The following XRN1 variants were observed in gnomAD, a reference collection of about 807,000 sequenced individuals.
XRN1 encodes strand-exchange protein 1 homolog.
Under a neutral mutation model 222.3 loss-of-function variants are expected in XRN1, and 67 were observed. The observed-to-expected ratio is 0.30, with a 90% CI of 0.25 to 0.37. XRN1 has a LOEUF of 0.37. XRN1 is among the 10% of genes least tolerant of loss of function. XRN1 has a pLI of 1.00. For missense variants in XRN1, 1,707 were observed against 2,000.2 expected, an observed-to-expected ratio of 0.85 and a Z score of 2.80; for synonymous variants, 643 against 652.4, an observed-to-expected ratio of 0.99 and a Z score of 0.22.
At chr3:142,412,442 A>G (rs2068621053) in intron 15 of XRN1, 102 bp downstream of exon 15, 1 of 1,360,014 alleles carries the variant, frequency 7.4e-7, no homozygotes, top group East Asian at 2.6e-5. Flanking sequence ...AATCTCATTA[A>G]CAAAACATAA....
rs144622329 is a variant in XRN1 at position 142,337,002 on chromosome 3, C to T, written c.3878-1493G>A. On this transcript the variant is annotated intron_variant, in intron 33 of 40. Transcript: ENST00000392981. ...ACCAAACTGAACCAAAGTTAAAAAC[C>T]ACAAAATTTTTTTTGAAAATAGCTT... 3.1e-3 allele frequency among the ~76,000 whole-genome samples: 477 copies of T among 151,514 alleles called. 2 individuals carry two copies. The highest frequency in any genetic ancestry group is 9.4e-3 in the African/African-American group (390 of 41,310).
At chr3:142,330,012 T>C (rs2065648279) in intron 36 of XRN1, among the ~76,000 whole-genome samples, 1 of 152,158 alleles carries the variant, frequency 6.6e-6, no homozygotes, top group African/African-American at 2.4e-5. Flanking sequence ...TAAAGGTTTT[T>C]GGATGAGTAT....
rs1407696040 is a variant in XRN1 at position 142,311,495 on chromosome 3, A to G, written c.*16T>C. 1 of 1,561,052 alleles carries G rather than the reference A, an allele frequency of 6.4e-7. No homozygotes were observed. The highest frequency in any genetic ancestry group is 8.7e-7 in the Non-Finnish European group (1 of 1,153,988). ...GATGGAAAGAGAAGAAATTAACTTA[A>G]TTCTAAGAGCCAAATTTACTCAGAA... On this transcript the variant is annotated 3_prime_UTR_variant, in exon 41 of 41. Transcript: ENST00000392981.
Position 142,384,698 on chromosome 3 carries a change from A to G in XRN1, c.2340-13T>C. On this transcript the variant is annotated splice_polypyrimidine_tract_variant and intron_variant, in intron 20 of 40. Transcript: ENST00000392981. ...TCTTCTCAGGTAGCTAAAATAAAGA[A>G]TAAACATGAAATATACATATGAATG... 1 of 1,566,410 alleles carries G rather than the reference A, an allele frequency of 6.4e-7. No homozygotes were observed. The highest frequency in any genetic ancestry group is 8.7e-7 in the Non-Finnish European group (1 of 1,153,876).
chr3:142,431,912 A>ATTATAT (rs1491093935), intron 2 of XRN1, among the ~76,000 whole-genome samples: 15 of 41,358 alleles, frequency 3.6e-4, no homozygotes, highest in African/African-American at 1.2e-3. Context: ...TTATATATAT[A>ATTATAT]AATATATATA....
intron 10 of XRN1, chr3:142,420,060 T>C (rs1162843889): frequency 6.6e-6 from 1 of 152,226 alleles, no homozygotes. Flanking sequence ...ACTTAGACTA[T>C]TGTATTTTAT....
intron 20 of XRN1, 119 bp from the exon 21 acceptor site, chr3:142,384,804 A>G: frequency 1.3e-6 from 1 of 762,734 alleles, no homozygotes. Context: ...TAAACTTTAA[A>G]TAAATACGCT....
chr3:142,432,655 T>C lies in XRN1; in HGVS notation c.308+6A>G. The C allele has an allele frequency of 6.4e-7, 1 of 1,561,344 alleles. No homozygotes were observed. On this transcript the variant is annotated splice_donor_region_variant and intron_variant, in intron 2 of 40. Coordinates refer to ENST00000392981, the MANE Select transcript of XRN1 (RefSeq NM_001282857.2). ...AATATTCCAAAATAAAACATAAATG[T>C]TTTACCTAAAACGCCTCCCACGCTG...
At chr3:142,332,562 G>T (rs1345360266) in intron 35 of XRN1, 28 bp from the exon 36 acceptor site, 2 of 1,582,736 alleles carry the variant, frequency 1.3e-6, no homozygotes, top group African/African-American at 2.7e-5. Context: ...ACATGGAGAT[G>T]GTGAGGGTGA....
chr3:142,329,003 C>G lies in XRN1; in HGVS notation c.4404+431G>C, dbSNP rs1028174190. On this transcript the variant is annotated intron_variant, in intron 37 of 40. Coordinates refer to ENST00000392981, the MANE Select transcript of XRN1 (RefSeq NM_001282857.2). ...TAAACTCCCAGCCTCAAGCTGTCCT[C>G]CCGCCTTGGCCTCCCAAAGTGCTGA... Among the ~76,000 whole-genome samples the G allele has an allele frequency of 4.0e-5, 6 of 151,728 alleles. No homozygotes were observed. The East Asian group carries it at 1.2e-3, about 29-fold the overall frequency.
At chr3:142,371,067 C>T (rs941627055) in intron 26 of XRN1, among the ~76,000 whole-genome samples, 172 bp downstream of exon 26, 18 of 150,456 alleles carry the variant, frequency 1.2e-4, no homozygotes, top group Non-Finnish European at 2.4e-4. Context: ...GTCCAGGGAA[C>T]CAAGGCTAAA....
At chr3:142,371,742 G>A (rs2066997392) in intron 25 of XRN1, among the ~76,000 whole-genome samples, 1 of 152,150 alleles carries the variant, frequency 6.6e-6, no homozygotes. Context: ...TCTGAAGAGT[G>A]CAGGACTTTT....
chr3:142,395,588 T>G (rs1483642813), intron 20 of XRN1, among the ~76,000 whole-genome samples: 1 of 152,150 alleles, frequency 6.6e-6, no homozygotes, highest in Non-Finnish European at 1.5e-5. Flanking sequence ...AGTTGTCAAT[T>G]TCTACTGTGT....
In XRN1 at chr3:142,448,029, TC is replaced by T; in HGVS notation, c.-86del. ...CTCCGCCGCAGCCTCCGGTCGTCGC[TC>T]CGCGGATGACAACACACCGCCCGGC... On this transcript the variant is annotated 5_prime_UTR_variant, in exon 1 of 41. Coordinates refer to ENST00000392981, the MANE Select transcript of XRN1 (RefSeq NM_001282857.2). The T allele has an allele frequency of 6.9e-7, 1 of 1,442,802 alleles. No individual in the cohort carries two copies. The highest frequency in any genetic ancestry group is 1.2e-5 in the South Asian group (1 of 85,966). 89.4% of individuals were successfully genotyped at this position (1,442,802 alleles called of 1,614,324 possible).
chr3:142,338,449 G>C (rs1295775654), intron 33 of XRN1, among the ~76,000 whole-genome samples: 1 of 152,010 alleles, frequency 6.6e-6, no homozygotes, highest in Non-Finnish European at 1.5e-5. Context: ...GAAACAACCA[G>C]CAGCGATACC....
intron 15 of XRN1, 77 bp downstream of exon 15, chr3:142,412,467 C>A: frequency 1.4e-6 from 2 of 1,412,408 alleles, no homozygotes; most frequent in Non-Finnish European, 1.9e-6. Flanking sequence ...TGATTAAAAC[C>A]CATTGCTCAT....
At chr3:142,357,548 T>C (rs2066496184) in intron 30 of XRN1, among the ~76,000 whole-genome samples, 1 of 152,146 alleles carries the variant, frequency 6.6e-6, no homozygotes, top group Admixed American at 6.5e-5. Context: ...CATCTCAGCC[T>C]CCTGAGTAAC....
intron 13 of XRN1, among the ~76,000 whole-genome samples, chr3:142,415,501 AAACAATGTTT>A (rs2068749708): frequency 6.6e-6 from 1 of 152,226 alleles, no homozygotes. Flanking sequence ...AAAAGGGAGA[AAACAATGTTT>A]ACTTTAAATA....
At chr3:142,335,537 T>C (rs1463808005) in intron 33 of XRN1, 28 bp from the exon 34 acceptor site, 4 of 1,589,536 alleles carry the variant, frequency 2.5e-6, no homozygotes, top group Non-Finnish European at 3.4e-6. Context: ...GAAATTTTCA[T>C]AAATGGAAGT....
Sources: gnomAD v4.1 joint callset for allele counts (sites outside exome capture counted in the v4.1 genomes callset) on GRCh38, gnomAD v4.1.1 for gene constraint, MANE v1.5 for transcripts, NCBI Gene and HGNC (gene_info 2026-07-23, HGNC 2026-07-21) for gene names.